The following HNF1A variants were observed in gnomAD, a reference collection of about 807,000 sequenced individuals.
HNF1A encodes hepatocyte nuclear factor 1-alpha.
HNF1A carries 21 observed loss-of-function variants against 62.2 expected under a neutral mutation model. The ratio of observed to expected loss-of-function variants is 0.34; its 90% CI spans 0.24 to 0.49. The LOEUF is 0.49. Ranked by LOEUF, HNF1A falls within the 20% of genes least tolerant of loss-of-function variation. HNF1A has a pLI of 0.99. For synonymous variants in HNF1A, 374 were observed against 366.8 expected (o/e 1.02, Z -0.22); for missense variants, 687 against 832.3 (o/e 0.83, Z 2.15).
intron 4 of HNF1A, among the ~76,000 whole-genome samples, chr12:120,995,440 AT>A (rs1877052036): frequency 6.6e-6 from 1 of 151,428 alleles, no homozygotes; most frequent in South Asian, 2.1e-4. Flanking sequence ...ACTACATACC[AT>A]TTTATTCTAT....
intron 2 of HNF1A, among the ~76,000 whole-genome samples, chr12:120,991,905 A>G (rs900282955): frequency 2.6e-5 from 4 of 152,246 alleles, no homozygotes; most frequent in Non-Finnish European, 5.9e-5. Context: ...AAAATGCATT[A>G]AAAAATTTCT....
intron 1 of HNF1A, among the ~76,000 whole-genome samples, chr12:120,982,811 C>T (rs1876321356): frequency 6.6e-6 from 1 of 152,202 alleles, no homozygotes; most frequent in Non-Finnish European, 1.5e-5. Flanking sequence ...CTCCATACAG[C>T]AACCTCGAGG....
chr12:120,990,287 G>A (rs1876754657), intron 2 of HNF1A, among the ~76,000 whole-genome samples: 2 of 152,098 alleles, frequency 1.3e-5, no homozygotes, highest in Non-Finnish European at 2.9e-5. Flanking sequence ...GACTACAGGT[G>A]CCCGCCACCA....
intron 1 of HNF1A, among the ~76,000 whole-genome samples, chr12:120,987,762 TGATCTATC>T (rs1876590343): frequency 8.3e-6 from 1 of 120,138 alleles, no homozygotes; most frequent in South Asian, 3.0e-4. Context: ...GTCACAAAGT[TGATCTATC>T]TATCTATCTA....
In HNF1A at chr12:120,997,784, G is replaced by T. The variant is rs2259816; in HGVS notation, c.1501+119G>T. 383,622 of 1,098,004 alleles carry T rather than the reference G, an allele frequency of 0.35. 71,682 individuals are homozygous for T. The highest frequency in any genetic ancestry group is 0.55 in the Middle Eastern group (2,783 of 5,084). 68.0% of individuals were successfully genotyped at this position (1,098,004 alleles called of 1,614,324 possible). ...CTGCATGTGTCTCTGGGACAAGTGT[G>T]TTTCCGTGATTGAGGGTGTCTGCAG... On this transcript the variant is annotated intron_variant, in intron 7 of 9. Transcript: ENST00000257555.
Position 120,993,704 on chromosome 12 carries a change from T to C in HNF1A, c.711T>C (p.Asn237=), listed in dbSNP as rs571596374. The C allele has an allele frequency of 5.6e-6, 9 of 1,613,530 alleles. No homozygotes were observed. The Middle Eastern group carries it at 5.0e-4, about 89-fold the overall frequency. The change falls in exon 3 of 10, where the codon AAT becomes AAC. Residue 237 remains asparagine, a splice_region_variant and synonymous_variant. Transcript: ENST00000257555. ...EERETLVEEC[N]RAECIQRGVS... The stretch of plus-strand genomic sequence containing the variant: ...GAGAGACGCTAGTGGAGGAGTGCAA[T>C]AGGTACAACGGCGGGCGGGAAACAG...
chr12:120,999,177 GC>G, intron 7 of HNF1A, 90 bp from the exon 8 acceptor site: 1 of 1,498,534 alleles, frequency 6.7e-7, no homozygotes. Flanking sequence ...TGTTCAGCAG[GC>G]CCCATGCCCC....
Position 120,996,174 on chromosome 12 carries a change from C to A in HNF1A, c.956-88C>A. ...CAGACAGGCAGCTGGCCTAAGCAAA[C>A]CAATGGAGTTTGAAGTGCTGAGGGC... On this transcript the variant is annotated intron_variant, in intron 4 of 9. Coordinates refer to ENST00000257555, the MANE Select transcript of HNF1A (RefSeq NM_000545.8). The surrounding 1 kb of genome is among the most constrained non-coding windows in gnomAD (Gnocchi z 4.5). 6.6e-7 allele frequency: 1 copy of A among 1,522,376 alleles called. No individual in the cohort carries two copies. The highest frequency in any genetic ancestry group is 9.1e-7 in the Non-Finnish European group (1 of 1,104,074). The allele number at this position is 1,522,376 out of a possible 1,614,324, so 94.3% of individuals were successfully genotyped here. A position where few individuals can be genotyped will look rare whatever the true frequency, so the allele number is the denominator to read the frequency against.
Position 120,996,414 on chromosome 12 carries a change from G to T in HNF1A, c.1107+1G>T. 6.2e-7 allele frequency: 1 copy of T among 1,614,186 alleles called. No homozygotes were observed. On this transcript the variant is annotated splice_donor_variant, in intron 5 of 9. Coordinates refer to ENST00000257555, the MANE Select transcript of HNF1A (RefSeq NM_000545.8). LOFTEE classifies it high-confidence loss of function. This position sits in a 1 kb window ranked among gnomAD's most constrained non-coding sequence, Gnocchi z 4.5. Reference sequence around the variant, plus strand: ...CCTGCTGAGTACAGAAGCCAAGCTGGTGAGTGTCCTTGCTTGTAAGGAAAA... The same window carrying T: ...CCTGCTGAGTACAGAAGCCAAGCTGTTGAGTGTCCTTGCTTGTAAGGAAAA...
chr12:120,986,107 TTCTC>T (rs1876498860), intron 1 of HNF1A, among the ~76,000 whole-genome samples: 1 of 152,162 alleles, frequency 6.6e-6, no homozygotes, highest in Non-Finnish European at 1.5e-5. Context: ...CAGCACCCCG[TTCTC>T]CTCTGGAAGG....
chr12:120,994,036 A>AT, intron 3 of HNF1A, 128 bp from the exon 4 acceptor site: 1 of 1,293,638 alleles, frequency 7.7e-7, no homozygotes, highest in Non-Finnish European at 1.1e-6. Context: ...CAGACCTGGC[A>AT]TTGGAACCCA....
chr12:120,982,270 A>G (rs928378176), intron 1 of HNF1A, among the ~76,000 whole-genome samples: 16 of 151,942 alleles, frequency 1.1e-4, no homozygotes, highest in Non-Finnish European at 1.9e-4. Flanking sequence ...GGGTTTCACT[A>G]TGTTGGCCAG....
chr12:120,980,947 C>G (rs972095448), intron 1 of HNF1A: 2 of 152,022 alleles, frequency 1.3e-5, no homozygotes, highest in Non-Finnish European at 2.9e-5. Context: ...CCGCCTGCCC[C>G]GATTGGGTTT....
At chr12:121,000,940 C>T in intron 9 of HNF1A, 125 bp from the exon 10 acceptor site, 2 of 1,353,006 alleles carry the variant, frequency 1.5e-6, no homozygotes, top group African/African-American at 2.8e-5. Context: ...CTTTGGGGTT[C>T]CTGTTATCTG....
At chr12:120,990,988 T>C (rs966889598) in intron 2 of HNF1A, among the ~76,000 whole-genome samples, 2 of 152,206 alleles carry the variant, frequency 1.3e-5, no homozygotes, top group African/African-American at 2.4e-5. Flanking sequence ...TCTTTTCATA[T>C]TGGCACTGAG....
Position 120,999,545 on chromosome 12 carries a change from C to T in HNF1A, c.1686C>T (p.Ala562=), listed in dbSNP as rs534868052. ...GGCTTCACACGCCGGCATCTCAGGCCACCACCCTCCACGTCCCCAGCCAGG... is the reference window on the plus strand; with the variant it reads ...GGCTTCACACGCCGGCATCTCAGGCTACCACCCTCCACGTCCCCAGCCAGG... ...ESGLHTPASQ[A]TTLHVPSQDP... is the part of the protein sequence containing the mutation. The change falls in exon 9 of 10, where the codon GCC becomes GCT. Residue 562 remains alanine, a synonymous_variant. Coordinates refer to ENST00000257555, the MANE Select transcript of HNF1A (RefSeq NM_000545.8). 3.7e-6 allele frequency: 6 copies of T among 1,613,080 alleles called. No homozygotes were observed. In the South Asian group the frequency reaches 4.4e-5, roughly 12 times the overall value.
chr12:121,001,033 T>G (rs2135854241), intron 9 of HNF1A, 32 bp from the exon 10 acceptor site: 1 of 1,611,466 alleles, frequency 6.2e-7, no homozygotes, highest in Non-Finnish European at 8.5e-7. Flanking sequence ...GGGTGCCTGG[T>G]GGGTGGCTAG....
At position 121,001,258 on chromosome 12, in the gene HNF1A, C is replaced by G. The variant is rs901622433; in HGVS notation, c.*66C>G. On this transcript the variant is annotated 3_prime_UTR_variant, in exon 10 of 10. Coordinates refer to ENST00000257555, the MANE Select transcript of HNF1A (RefSeq NM_000545.8). ...GGGGTGATGAGGGCAGCAGCCAGCC[C>G]TGCCTGGAGGACCTGAGCCTGCCGA... 1 of 1,591,566 alleles carries G rather than the reference C, an allele frequency of 6.3e-7. No individual in the cohort carries two copies. The highest frequency in any genetic ancestry group is 8.6e-7 in the Non-Finnish European group (1 of 1,167,126).
chr12:120,997,123 A>C, intron 6 of HNF1A: 7 of 1,398,184 alleles, frequency 5.0e-6, no homozygotes, highest in Non-Finnish European at 6.5e-6. Flanking sequence ...CCCAGTACAT[A>C]AGATAGATAA....
Sources: allele counts gnomAD v4.1 joint callset (sites outside exome capture counted in the v4.1 genomes callset), GRCh38; gene constraint gnomAD v4.1.1; non-coding constraint Gnocchi (gnomAD v3.1); transcripts MANE v1.5; gene names NCBI Gene and HGNC (gene_info 2026-07-23, HGNC 2026-07-21).